THBS2: variants seen among roughly 807,000 people sequenced by gnomAD.
The protein encoded by THBS2 is thrombospondin 2.
THBS2 carries 47 observed loss-of-function variants against 135.2 expected under a neutral mutation model. The observed-to-expected ratio is 0.35, with a 90% CI of 0.28 to 0.44. The LOEUF is 0.44. Ranked by LOEUF, THBS2 falls within the 20% of genes least tolerant of loss-of-function variation. The pLI is 1.00. For synonymous variants in THBS2, 639 were observed against 633.8 expected (o/e 1.01, Z -0.12); for missense variants, 1,288 against 1,603.1 (o/e 0.80, Z 3.36).
At chr6:169,227,405 G>A (rs945958311) in intron 15 of THBS2, among the ~76,000 whole-genome samples, 5 of 152,198 alleles carry the variant, frequency 3.3e-5, no homozygotes, top group African/African-American at 9.7e-5. Context: ...AGCAGCAACC[G>A]GGATCAGTGG....
intron 10 of THBS2, among the ~76,000 whole-genome samples, chr6:169,233,280 G>A (rs1329247356): frequency 1.3e-5 from 2 of 151,764 alleles, no homozygotes; most frequent in Admixed American, 6.6e-5. Flanking sequence ...CTACCCACAC[G>A]CCACCTTCCA....
chr6:169,251,292 C>A (rs1247676392), intron 1 of THBS2, among the ~76,000 whole-genome samples: 1 of 151,940 alleles, frequency 6.6e-6, no homozygotes, highest in East Asian at 1.9e-4. Flanking sequence ...TATGCATAAC[C>A]TAATTAAATA....
chr6:169,227,542 C>G (rs1264286725), intron 15 of THBS2, among the ~76,000 whole-genome samples: 1 of 152,116 alleles, frequency 6.6e-6, no homozygotes, highest in African/African-American at 2.4e-5. Context: ...TGAAGAAGCA[C>G]GAGGCCCAGG....
At chr6:169,228,537 T>A (rs1256198412) in intron 14 of THBS2, among the ~76,000 whole-genome samples, 4 of 151,914 alleles carry the variant, frequency 2.6e-5, no homozygotes, top group African/African-American at 7.3e-5. Context: ...ATCCCAGCAC[T>A]ATGGGAGGCT....
At position 169,221,437 on chromosome 6, in the gene THBS2, A is replaced by G; in HGVS notation, c.3364T>C (p.Tyr1122His). The G allele has an allele frequency of 6.2e-7, 1 of 1,613,992 alleles. No individual in the cohort carries two copies. The highest frequency in any genetic ancestry group is 8.5e-7 in the Non-Finnish European group (1 of 1,179,984). Residue 1122 changes from tyrosine to histidine, a missense_variant, in exon 20 of 22, where the codon TAC (tyrosine) becomes CAC (histidine). This residue lies in a region of THBS2 where 874 missense variants were observed against 1,156.1 expected (regional missense o/e 0.76). Transcript: ENST00000617924. ...WHLTHRPKTG[Y>H]IRVLVHEGKQ... ...GTGCTGACCTGCCCTCACCTGATGT[A>G]GCCAGTCTTGGGCCTGTGAGTCAGG... is the stretch of plus-strand genomic sequence containing the variant.
rs924014664 is a variant in THBS2 at position 169,241,132 on chromosome 6, G to A, written c.892-540C>T. On this transcript the variant is annotated intron_variant, in intron 5 of 21. Transcript: ENST00000617924. This position sits in a 1 kb window ranked among gnomAD's most constrained non-coding sequence, Gnocchi z 5.5. The stretch of plus-strand genomic sequence containing the variant: ...TGGCATCATTTACTTCATGCCCTCT[G>A]GGTACGAGTGACAGTCAGCATCACT... Among the ~76,000 whole-genome samples, 1 of 150,888 alleles carries A rather than the reference G, an allele frequency of 6.6e-6. No homozygotes were observed. Among genetic ancestry groups the A allele is most frequent in the African/African-American group, 2.4e-5 (1 of 41,110 alleles).
intron 2 of THBS2, among the ~76,000 whole-genome samples, chr6:169,249,340 G>A (rs916019825): frequency 2.0e-5 from 3 of 152,138 alleles, no homozygotes; most frequent in Admixed American, 6.5e-5. Flanking sequence ...TCCCGGCCTC[G>A]CTTGACATCC....
intron 3 of THBS2, 72 bp downstream of exon 3, chr6:169,248,345 G>T: frequency 6.7e-7 from 1 of 1,498,172 alleles, no homozygotes; most frequent in South Asian, 1.3e-5. Flanking sequence ...CGCATCACCA[G>T]ACGCATTAGC....
Position 169,225,329 on chromosome 6 carries a change from G to T in THBS2, c.2589C>A (p.Asp863Glu). ...LVGDQCDNNE[D>E]IDDDGHQNNQ... ...TGTTCTGGTGGCCGTCGTCATCTAT[G>T]TCCTCGTTGTTGTCACACTGGTCCC... Residue 863 changes from aspartate (D) to glutamate (E), a missense_variant, in exon 17 of 22, where the codon GAC becomes GAA. Asp to Glu is a conservative substitution (Grantham distance 45, BLOSUM62 2). This residue lies in a region of THBS2 where 874 missense variants were observed against 1,156.1 expected (regional missense o/e 0.76). Transcript: ENST00000617924. The T allele has an allele frequency of 6.4e-7, 1 of 1,568,988 alleles. No homozygotes were observed. Among genetic ancestry groups the T allele is most frequent in the Non-Finnish European group, 8.6e-7 (1 of 1,156,510 alleles).
chr6:169,245,347 C>A lies in THBS2; in HGVS notation c.694+850G>T, dbSNP rs1400646405. On this transcript the variant is annotated intron_variant, in intron 4 of 21. Coordinates refer to ENST00000617924, the MANE Select transcript of THBS2 (RefSeq NM_003247.5). The stretch of plus-strand genomic sequence containing the variant: ...CATTTAATGAACCTGTCATAGTGAC[C>A]TTCAGAATTAAATGCTCAAGAAAAT... Among the ~76,000 whole-genome samples the A allele has an allele frequency of 2.0e-5, 3 of 152,298 alleles. No homozygotes were observed. The East Asian group carries it at 5.8e-4, about 29-fold the overall frequency.
chr6:169,222,729 G>T (rs1055176330), intron 18 of THBS2, among the ~76,000 whole-genome samples: 1 of 151,262 alleles, frequency 6.6e-6, no homozygotes, highest in African/African-American at 2.4e-5. Flanking sequence ...GGGGAAAAAA[G>T]GTTGCAGTGA....
chr6:169,232,127 C>G lies in THBS2; in HGVS notation c.2004G>C (p.Leu668=), dbSNP rs756359533. The G allele has an allele frequency of 1.9e-6, 3 of 1,613,974 alleles. No homozygotes were observed. In the African/African-American group the frequency reaches 4.0e-5, roughly 22 times the overall value. ...NCHKHAECIY[L]GHFSDPMYKC... Reference sequence around the variant, plus strand: ...TGTACATGGGGTCGCTGAAGTGGCCCAGGTAGATGCACTCCGCGTGCTTGT... The same window carrying G: ...TGTACATGGGGTCGCTGAAGTGGCCGAGGTAGATGCACTCCGCGTGCTTGT... The change falls in exon 13 of 22, where the codon CTG becomes CTC. Residue 668 remains leucine, a synonymous_variant. Coordinates refer to ENST00000617924, the MANE Select transcript of THBS2 (RefSeq NM_003247.5).
chr6:169,237,749 C>T lies in THBS2; in HGVS notation c.1176G>A (p.Gln392=), dbSNP rs1163559829. The T allele has an allele frequency of 2.5e-6, 4 of 1,612,280 alleles. No individual in the cohort carries two copies. In the East Asian group the frequency reaches 8.9e-5, roughly 36 times the overall value. ...EGWSPWAEWT[Q]CSVTCGSGTQ... ...TCCCAGAGCCACACGTCACGGAGCA[C>T]TGGGTCCACTCTGCCCACGGAGACC... is the stretch of plus-strand genomic sequence containing the variant. Residue 392 remains glutamine, a synonymous_variant, in exon 8 of 22, where the codon CAG becomes CAA. Transcript: ENST00000617924.
rs751745322 is a variant in THBS2, at chr6:169,232,046, C to A, written c.2085G>T (p.Ser695=). 2 of 1,613,958 alleles carry A rather than the reference C, an allele frequency of 1.2e-6. No homozygotes were observed. Among genetic ancestry groups the A allele is most frequent in the African/African-American group, 2.7e-5 (2 of 74,924 alleles). Reference sequence around the variant, plus strand: ...TGAGGTTGGGCCAGCCGTCCAGGTCCGAGTCCTCCCCGCAGATGAGCCCGT... The same window carrying A: ...TGAGGTTGGGCCAGCCGTCCAGGTCAGAGTCCTCCCCGCAGATGAGCCCGT... ...AGDGLICGED[S]DLDGWPNLNL... Residue 695 remains serine, a synonymous_variant, in exon 13 of 22, where the codon TCG becomes TCT. Coordinates refer to ENST00000617924, the MANE Select transcript of THBS2 (RefSeq NM_003247.5).
In THBS2 at chr6:169,240,544, TCTTAGGAGG is replaced by T; in HGVS notation, c.931_939del (p.Pro311_Lys313del). On this transcript the variant is annotated inframe_deletion, in exon 6 of 22. Transcript: ENST00000617924. ...TGCCAGCAAGCTGACATGTTCCTTGTCTTAGGAGGGCCACCAATGAGCTCCCAGAGAAAC... is the reference window on the plus strand; with the variant it reads ...TGCCAGCAAGCTGACATGTTCCTTGTGCCACCAATGAGCTCCCAGAGAAAC... The T allele has an allele frequency of 6.2e-7, 1 of 1,614,014 alleles. No homozygotes were observed. The highest frequency in any genetic ancestry group is 8.5e-7 in the Non-Finnish European group (1 of 1,179,998).
rs1257435118 is a variant in THBS2 at position 169,248,590 on chromosome 6, C to T, written c.436G>A (p.Asp146Asn). 6.2e-7 allele frequency: 1 copy of T among 1,614,064 alleles called. No homozygotes were observed. Among genetic ancestry groups the T allele is most frequent in the Admixed American group, 1.7e-5 (1 of 60,030 alleles). Residue 146 changes from aspartate to asparagine, a missense_variant, in exon 3 of 22, where the codon GAC becomes AAC. Transcript: ENST00000617924. Reference protein sequence around the residue: ...VVSLEDVGLADSQWKNVTVQV... With the variant: ...VVSLEDVGLANSQWKNVTVQV... ...ACGGTGACGTTCTTCCACTGCGAGT[C>T]AGCCAGGCCGACGTCCTCCAGGGAG...
At chr6:169,235,952 A>G (rs1471663276) in intron 9 of THBS2, among the ~76,000 whole-genome samples, 5 of 72,038 alleles carry the variant, frequency 6.9e-5, no homozygotes, top group African/African-American at 5.6e-5. Flanking sequence ...CTCACTCCCC[A>G]TCCACACTCA....
In THBS2 at chr6:169,216,550, CAGAT is replaced by C. The variant is rs947240655; in HGVS notation, c.*1268_*1271del. The C allele has an allele frequency of 2.0e-5, 3 of 152,096 alleles. No homozygotes were observed. The highest frequency in any genetic ancestry group is 4.4e-5 in the Non-Finnish European group (3 of 68,036). The allele number at this position is 152,096 out of a possible 1,614,324, so 9.4% of individuals were successfully genotyped here. Reference sequence around the variant, plus strand: ...TGAATTAAAAGAATTCCATATACAGCAGATAGATAACAGTAACAAATATTGAACT... The same window carrying C: ...TGAATTAAAAGAATTCCATATACAGCAGATAACAGTAACAAATATTGAACT... On this transcript the variant is annotated 3_prime_UTR_variant, in exon 22 of 22. Transcript: ENST00000617924.
In THBS2 at chr6:169,248,729, C is replaced by T. The variant is rs561620035; in HGVS notation, c.297G>A (p.Thr99=). 61 of 1,613,712 alleles carry T rather than the reference C, an allele frequency of 3.8e-5. No individual in the cohort carries two copies. In the East Asian group the frequency reaches 6.7e-4, roughly 18 times the overall value. Residue 99 remains threonine (T), a synonymous_variant, in exon 3 of 22, where the codon ACG becomes ACA. Transcript: ENST00000617924. ...GACCGGGGCCCTCCAGAGCCAACAG[C>T]GTGCCCCTGGACTTGCCGTCCTGCT... The part of the protein sequence containing the change: ...QLKQDGKSRG[T]LLALEGPGLS...
Sources: gnomAD v4.1 joint callset for allele counts (sites outside exome capture counted in the v4.1 genomes callset) on GRCh38, gnomAD v4.1.1 for gene constraint, gnomAD v4.1.1 regional missense constraint, Gnocchi (gnomAD v3.1) non-coding constraint, MANE v1.5 for transcripts, NCBI Gene and HGNC (gene_info 2026-07-23, HGNC 2026-07-21) for gene names.